The following DCT variants were observed in gnomAD, a reference collection of about 807,000 sequenced individuals.
DCT encodes the protein L-dopachrome tautomerase.
Under a neutral mutation model 53.0 loss-of-function variants are expected in DCT, and 47 were observed. The ratio of observed to expected loss-of-function variants is 0.89; its 90% CI spans 0.70 to 1.13. DCT has a LOEUF of 1.13. DCT is among the 50% of genes most tolerant of loss of function. DCT has a pLI of 0.00. For synonymous variants in DCT, 244 were observed against 237.0 expected (o/e 1.03, Z -0.27); for missense variants, 669 against 637.4 (o/e 1.05, Z -0.53).
the DCT span, among the ~76,000 whole-genome samples, chr13:94,517,076 C>A: frequency 2.0e-5 from 3 of 152,104 alleles, no homozygotes; most frequent in African/African-American, 7.2e-5. Context: ...AAATTTCCCC[C>A]CAAATATGGT....
chr13:94,519,119 C>T, the DCT span, among the ~76,000 whole-genome samples: 1 of 152,180 alleles, frequency 6.6e-6, no homozygotes, highest in African/African-American at 2.4e-5. Flanking sequence ...TCTACCACCT[C>T]CCTGCCTAGG....
At chr13:94,466,493 G>T in intron 3 of DCT, 65 bp downstream of exon 3, 1 of 975,110 alleles carries the variant, frequency 1.0e-6, no homozygotes, top group Non-Finnish European at 1.5e-6. Context: ...CACACTGTAT[G>T]CCTTAAATAT....
chr13:94,499,465 A>AGT, the DCT span, among the ~76,000 whole-genome samples: 76,802 of 150,654 alleles, frequency 0.51, 19,569 homozygotes, highest in Middle Eastern at 0.63. Context: ...CATGAGAGTG[A>AGT]GTGTGTGTGT....
At chr13:94,495,985 G>A in the DCT span, among the ~76,000 whole-genome samples, 25 of 152,210 alleles carry the variant, frequency 1.6e-4, no homozygotes, top group African/African-American at 5.8e-4. Flanking sequence ...GGAACAACGC[G>A]CCTCTGATCG....
upstream of DCT, among the ~76,000 whole-genome samples, chr13:94,479,932 G>A (rs1885367803): frequency 1.3e-5 from 2 of 152,156 alleles, no homozygotes; most frequent in South Asian, 4.1e-4. Context: ...ACATCCTGGG[G>A]AGTCAGTAGA....
At chr13:94,469,400 A>G (rs1436070893) in intron 1 of DCT, among the ~76,000 whole-genome samples, 1 of 152,198 alleles carries the variant, frequency 6.6e-6, no homozygotes, top group Non-Finnish European at 1.5e-5. Flanking sequence ...AGGTAATTAG[A>G]GTAGGCCCTA....
the DCT span, among the ~76,000 whole-genome samples, chr13:94,500,058 CA>C: frequency 1.3e-5 from 2 of 152,036 alleles, no homozygotes; most frequent in African/African-American, 2.4e-5. Context: ...TTCAAGTATA[CA>C]ATAGAGTATA....
At chr13:94,492,192 G>C in the DCT span, among the ~76,000 whole-genome samples, 1 of 152,192 alleles carries the variant, frequency 6.6e-6, no homozygotes, top group African/African-American at 2.4e-5. Flanking sequence ...CATAGAAAGT[G>C]CTCAGTATTT....
chr13:94,508,941 A>T, the DCT span, among the ~76,000 whole-genome samples: 1 of 152,160 alleles, frequency 6.6e-6, no homozygotes, highest in Non-Finnish European at 1.5e-5. Context: ...TCTAGTCAGG[A>T]TGCTCTGTGA....
Position 94,438,973 on chromosome 13 carries a change from G to T in DCT, c.*925C>A. 4.4e-6 allele frequency: 1 copy of T among 225,624 alleles called. No individual in the cohort carries two copies. The highest frequency in any genetic ancestry group is 5.6e-5 in the South Asian group (1 of 17,722). The allele number at this position is 225,624 out of a possible 1,614,324, so 14.0% of individuals were successfully genotyped here. A position where few individuals can be genotyped will look rare whatever the true frequency, so the allele number is the denominator to read the frequency against. On this transcript the variant is annotated 3_prime_UTR_variant, in exon 8 of 8. Transcript: ENST00000377028. ...AAATTGGTAGAGGATCAGCCAAAGAGACCTCAGAGTAATGGGACTCAAGTC... is the reference window on the plus strand; with the variant it reads ...AAATTGGTAGAGGATCAGCCAAAGATACCTCAGAGTAATGGGACTCAAGTC...
rs187956839 is a variant in DCT at position 94,466,651 on chromosome 13, T to C, written c.603A>G (p.Gly201=). 1 of 1,593,532 alleles carries C rather than the reference T, an allele frequency of 6.3e-7. No homozygotes were observed. The highest frequency in any genetic ancestry group is 8.5e-7 in the Non-Finnish European group (1 of 1,171,806). ...YSVRDTLLGP[G]RPYRAIDFSH... ...AGAAATCTATGGCCCTGTAGGGGCG[T>C]CCTGGTCCTGAAACAATTGGGAAAC... Residue 201 remains glycine, a synonymous_variant, in exon 3 of 8, where the codon GGA becomes GGG. Coordinates refer to ENST00000377028, the MANE Select transcript of DCT (RefSeq NM_001922.5).
chr13:94,459,749 A>C (rs746979375), intron 6 of DCT, among the ~76,000 whole-genome samples: 6 of 152,334 alleles, frequency 3.9e-5, no homozygotes, highest in Non-Finnish European at 8.8e-5. Context: ...TCCTGCAGGT[A>C]ACACATTGAA....
chr13:94,495,995 G>A, the DCT span, among the ~76,000 whole-genome samples: 68 of 152,184 alleles, frequency 4.5e-4, no homozygotes, highest in African/African-American at 1.4e-3. Context: ...GCCTCTGATC[G>A]TTGCCAATTG....
At chr13:94,455,409 G>A (rs1181636834) in intron 6 of DCT, among the ~76,000 whole-genome samples, 1 of 151,670 alleles carries the variant, frequency 6.6e-6, no homozygotes, top group Admixed American at 6.6e-5. Flanking sequence ...GAGAGAGAGA[G>A]AGATTCCTAC....
At chr13:94,470,866 T>G (rs1268149770) in intron 1 of DCT, among the ~76,000 whole-genome samples, 1 of 152,230 alleles carries the variant, frequency 6.6e-6, no homozygotes, top group Non-Finnish European at 1.5e-5. Flanking sequence ...ATTACTACAC[T>G]TGTTTCAGCT....
chr13:94,443,385 A>G, intron 7 of DCT, 51 bp downstream of exon 7: 1 of 1,375,218 alleles, frequency 7.3e-7, no homozygotes, highest in South Asian at 1.2e-5. Flanking sequence ...CAAGAAAGCT[A>G]GCTTCTTTAG....
At chr13:94,530,122 G>T in the DCT span, among the ~76,000 whole-genome samples, 2 of 152,106 alleles carry the variant, frequency 1.3e-5, no homozygotes, top group African/African-American at 4.8e-5. Context: ...TTCTGAACAG[G>T]TTCTGAAATT....
chr13:94,528,472 T>C, the DCT span, among the ~76,000 whole-genome samples: 1 of 151,950 alleles, frequency 6.6e-6, no homozygotes, highest in Non-Finnish European at 1.5e-5. Flanking sequence ...CAGAAGAGAG[T>C]GGGGGCCAAT....
the DCT span, among the ~76,000 whole-genome samples, chr13:94,520,243 T>C: frequency 6.6e-6 from 1 of 152,222 alleles, no homozygotes; most frequent in African/African-American, 2.4e-5. Context: ...TATTTCACAA[T>C]CCTGCAAATG....
Sources: allele counts gnomAD v4.1 joint callset (sites outside exome capture counted in the v4.1 genomes callset), GRCh38; gene constraint gnomAD v4.1.1; transcripts MANE v1.5; gene names NCBI Gene and HGNC (gene_info 2026-07-23, HGNC 2026-07-21).